The following INTS1 variants were observed in gnomAD, a reference collection of about 807,000 sequenced individuals.
INTS1 encodes integrator complex subunit 1.
INTS1 carries 137 observed loss-of-function variants against 241.6 expected under a neutral mutation model. The observed-to-expected ratio is 0.57, with a 90% CI of 0.49 to 0.65. The LOEUF (loss-of-function observed/expected upper bound fraction) is 0.65. INTS1 is among the 30% of genes least tolerant of loss of function. INTS1 has a pLI of 0.00. For missense variants in INTS1, 3,073 were observed against 3,032.2 expected (o/e 1.01, Z -0.32); for synonymous variants, 1,692 against 1,337.8 (o/e 1.26, Z -5.78).
Position 1,471,644 on chromosome 7 carries a change from G to A in INTS1, c.6185-3C>T. 1 of 1,611,912 alleles carries A rather than the reference G, an allele frequency of 6.2e-7. No homozygotes were observed. Among genetic ancestry groups the A allele is most frequent in the Non-Finnish European group, 8.5e-7 (1 of 1,179,718 alleles). ...GTCACTCAGAACCTCCAGCAGATCT[G>A]ACACAGAGAGAGGGCCAGACCAGAA... is the stretch of plus-strand genomic sequence containing the variant. On this transcript the variant is annotated splice_polypyrimidine_tract_variant and splice_region_variant and intron_variant, in intron 44 of 47. Transcript: ENST00000404767.
Position 1,470,824 on chromosome 7 carries a change from T to C in INTS1, c.6457+22A>G, listed in dbSNP as rs748634098. On this transcript the variant is annotated intron_variant, in intron 47 of 47. Transcript: ENST00000404767. ...GCCTCCCCGAGGGCTGCCAGGGCCC[T>C]GGGCGGGGGGCCAGTCCTCACCTTG... 1.9e-6 allele frequency: 3 copies of C among 1,554,520 alleles called. No individual in the cohort carries two copies. In the East Asian group the frequency reaches 7.2e-5, roughly 37 times the overall value.
At position 1,480,429 on chromosome 7, in the gene INTS1, G is replaced by C. The variant is rs200694035; in HGVS notation, c.3962C>G (p.Ala1321Gly). The change falls in exon 30 of 48, where the codon GCA becomes GGA. Residue 1321 changes from alanine (A) to glycine (G), a missense_variant. Physicochemically the swap from Ala to Gly is moderately conservative, Grantham distance 60. Transcript: ENST00000404767. The stretch of plus-strand genomic sequence containing the variant: ...CTCTGGGCTGCTCTTTGGTTTGGGT[G>C]CCTCTGTGCTGTCTGCAGAGACAGG... ...SLPPRRDSTE[A>G]PKPKSSPEQP... 175 of 1,613,296 alleles carry C rather than the reference G, an allele frequency of 1.1e-4. 1 individual carries two copies. In the Admixed American group the frequency reaches 2.9e-3, roughly 26 times the overall value.
chr7:1,476,486 C>T, intron 37 of INTS1, 31 bp from the exon 38 acceptor site: 1 of 1,134,036 alleles, frequency 8.8e-7, no homozygotes. Flanking sequence ...AGCCCCGGAG[C>T]ACCACCGCCT....
chr7:1,470,520 G>C lies in INTS1; in HGVS notation c.*57C>G. On this transcript the variant is annotated 3_prime_UTR_variant, in exon 48 of 48. Transcript: ENST00000404767. ...GCCCACGCTTCCTGGGCTTTGCCTC[G>C]AGGATCCCCGGGGACGGGACGGGCC... is the stretch of plus-strand genomic sequence containing the variant. 7.4e-7 allele frequency: 1 copy of C among 1,351,910 alleles called. No homozygotes were observed. The highest frequency in any genetic ancestry group is 1.4e-5 in the South Asian group (1 of 73,908). The allele number at this position is 1,351,910 out of a possible 1,614,324, so 83.7% of individuals were successfully genotyped here.
In INTS1 at chr7:1,500,194, G is replaced by A. The variant is rs755896608; in HGVS notation, c.522C>T (p.Ile174=). 6.3e-7 allele frequency: 1 copy of A among 1,597,316 alleles called. No individual in the cohort carries two copies. The highest frequency in any genetic ancestry group is 8.6e-7 in the Non-Finnish European group (1 of 1,169,156). The change falls in exon 4 of 48, where the codon ATC becomes ATT. Residue 174 remains isoleucine, a synonymous_variant. Transcript: ENST00000404767. The stretch of plus-strand genomic sequence containing the variant: ...CCTCAATGACGCCCTCAGTGGCGAA[G>A]ATGTTGGGCTTGATCTTGGCCAGGT... ...LMYLAKIKPN[I]FATEGVIEAL... is the part of the protein sequence containing the mutation.
At chr7:1,474,887 G>A in intron 39 of INTS1, 49 bp from the exon 40 acceptor site, 1 of 1,537,074 alleles carries the variant, frequency 6.5e-7, no homozygotes, top group Non-Finnish European at 8.8e-7. Flanking sequence ...CCCCTCACTT[G>A]CCCACCCACA....
In INTS1 at chr7:1,497,253, C is replaced by T; in HGVS notation, c.1487G>A (p.Arg496Gln). ...TNKDDYLRAS[R>Q]ALLREIIKQT... is the part of the protein sequence containing the mutation. ...CTTGATGATCTCCCGCAGCAGGGCC[C>T]GCGAGGCCCGCAGGTAGTCGTCCTT... The change falls in exon 11 of 48, where the codon CGG becomes CAG. Residue 496 changes from arginine to glutamine, a missense_variant. Arg to Gln is a conservative substitution (Grantham distance 43). Coordinates refer to ENST00000404767, the MANE Select transcript of INTS1 (RefSeq NM_001080453.3). This position sits in a 1 kb window ranked among gnomAD's most constrained non-coding sequence, Gnocchi z 5.3. The T allele has an allele frequency of 6.2e-7, 1 of 1,613,384 alleles. No homozygotes were observed. The highest frequency in any genetic ancestry group is 8.5e-7 in the Non-Finnish European group (1 of 1,179,766).
Position 1,500,644 on chromosome 7 carries a change from T to C in INTS1, c.350-278A>G, listed in dbSNP as rs564598094. On this transcript the variant is annotated intron_variant, in intron 3 of 47. Coordinates refer to ENST00000404767, the MANE Select transcript of INTS1 (RefSeq NM_001080453.3). The stretch of plus-strand genomic sequence containing the variant: ...ACGACTACCCCAAAGGCTACAGACA[T>C]TTCCCAGCAAGCCAGGCCACCTGCA... 7.2e-5 allele frequency among the ~76,000 whole-genome samples: 11 copies of C among 152,288 alleles called. No individual in the cohort carries two copies. In the East Asian group the frequency reaches 1.9e-3, roughly 27 times the overall value.
Position 1,476,812 on chromosome 7 carries a change from C to T in INTS1, c.5045G>A (p.Gly1682Asp), listed in dbSNP as rs751822409. 8 of 1,612,760 alleles carry T rather than the reference C, an allele frequency of 5.0e-6. No homozygotes were observed. Among genetic ancestry groups the T allele is most frequent in the Admixed American group, 3.3e-5 (2 of 59,994 alleles). The change falls in exon 36 of 48, where the codon GGC becomes GAC. Residue 1682 changes from glycine to aspartate, a missense_variant. Physicochemically the swap from Gly to Asp is moderately conservative, Grantham distance 94 (BLOSUM62 -1). Transcript: ENST00000404767. ...CGCCCACCTCTGTTCCCGGCTCTTG[C>T]CCAGCAGGACTCGGATGCACTGGTG... ...TLHQCIRVLLGKSREQRFDPS... is the reference protein window; with the variant it reads ...TLHQCIRVLLDKSREQRFDPS...
intron 39 of INTS1, 117 bp downstream of exon 39, chr7:1,475,831 G>T: frequency 7.6e-7 from 1 of 1,309,002 alleles, no homozygotes. Context: ...GCGCGGACTG[G>T]GAAGGGGCAA....
rs531423959 is a variant in INTS1 at position 1,473,707 on chromosome 7, G to C, written c.5830-14C>G. 6.2e-6 allele frequency: 10 copies of C among 1,612,476 alleles called. No homozygotes were observed. Among genetic ancestry groups the C allele is most frequent in the Admixed American group, 1.7e-5 (1 of 59,970 alleles). On this transcript the variant is annotated splice_polypyrimidine_tract_variant and intron_variant, in intron 41 of 47. Transcript: ENST00000404767. ...CTTCCTGTAATTCTGCAAAGCAAAA[G>C]CGGCACCCTCGAGCTGCTCTGCCCC...
chr7:1,476,326 G>C lies in INTS1; in HGVS notation c.5281C>G (p.Arg1761Gly), dbSNP rs996774777. 23 of 1,586,330 alleles carry C rather than the reference G, an allele frequency of 1.4e-5. No homozygotes were observed. The highest frequency in any genetic ancestry group is 2.0e-5 in the Non-Finnish European group (23 of 1,168,520). Residue 1761 changes from arginine to glycine, a missense_variant, in exon 38 of 48, where the codon CGG becomes GGG. Physicochemically the swap from Arg to Gly is moderately radical, Grantham distance 125. Transcript: ENST00000404767. ...CAGCAGCTGAGCAGCAGGGGCAGCC[G>C]GGCCTGGATGAGGCTGCAGGCGGCT... ...DTAACSLIQA[R>G]LPLLLSCCCG...
chr7:1,480,719 G>A (rs1478579145), intron 29 of INTS1, 116 bp downstream of exon 29: 1 of 845,234 alleles, frequency 1.2e-6, no homozygotes, highest in African/African-American at 1.7e-5. Flanking sequence ...ATCAGCAAGT[G>A]TGCACTGCCC....
chr7:1,497,543 G>A lies in INTS1; in HGVS notation c.1426-229C>T, dbSNP rs985182619. Among the ~76,000 whole-genome samples, 5 of 152,144 alleles carry A rather than the reference G, an allele frequency of 3.3e-5. No homozygotes were observed. The highest frequency in any genetic ancestry group is 6.5e-5 in the Admixed American group (1 of 15,274). Reference sequence around the variant, plus strand: ...ACCGGCAGGTGGGGAGTCGGTCCTCGTGAAATGAGGAGGATTAATTAACGG... The same window carrying A: ...ACCGGCAGGTGGGGAGTCGGTCCTCATGAAATGAGGAGGATTAATTAACGG... On this transcript the variant is annotated intron_variant, in intron 10 of 47. Transcript: ENST00000404767. The surrounding 1 kb of genome is among the most constrained non-coding windows in gnomAD (Gnocchi z 5.3).
intron 33 of INTS1, 33 bp downstream of exon 33, chr7:1,478,333 C>A (rs1335194753): frequency 6.2e-7 from 1 of 1,606,540 alleles, no homozygotes; most frequent in African/African-American, 1.3e-5. Context: ...CCCAGGGCCG[C>A]CGTGGCCCAA....
At chr7:1,471,542 C>A in intron 45 of INTS1, 29 bp downstream of exon 45, 6 of 1,608,846 alleles carry the variant, frequency 3.7e-6, no homozygotes, top group Non-Finnish European at 5.1e-6. Flanking sequence ...TGGCTCCTCC[C>A]AGCTCTCCCT....
In INTS1 at chr7:1,485,197, G is replaced by C; in HGVS notation, c.3162C>G (p.Ile1054Met). Reference protein sequence around the residue: ...STTALALQQAIHMETDPQTIS... With the variant: ...STTALALQQAMHMETDPQTIS... ...TGGTCTGGGGATCAGTCTCCATGTG[G>C]ATTGCCTGGAGGGGAGGGTGGTCTG... Residue 1054 changes from isoleucine (I) to methionine (M), a missense_variant, in exon 24 of 48, where the codon ATC (isoleucine) becomes ATG (methionine). Coordinates refer to ENST00000404767, the MANE Select transcript of INTS1 (RefSeq NM_001080453.3). The C allele has an allele frequency of 6.2e-7, 1 of 1,600,084 alleles. No homozygotes were observed. Among genetic ancestry groups the C allele is most frequent in the Middle Eastern group, 1.7e-4 (1 of 6,058 alleles).
intron 39 of INTS1, 29 bp downstream of exon 39, chr7:1,475,919 G>T: frequency 1.3e-6 from 2 of 1,524,068 alleles, no homozygotes; most frequent in South Asian, 2.4e-5. Flanking sequence ...CTGGGACGGC[G>T]GCGGGGAGCG....
chr7:1,498,799 C>A lies in INTS1; in HGVS notation c.1191G>T (p.Thr397=), dbSNP rs373109167. The change falls in exon 9 of 48, where the codon ACG becomes ACT. Residue 397 remains threonine, a synonymous_variant. Transcript: ENST00000404767. ...LLMSVCMNCN[T]HGSEDMDVIS... ...TGACGTCCATGTCTTCGGAACCGTGCGTGTTGCAGTTCATGCAGACGGACA... is the reference window on the plus strand; with the variant it reads ...TGACGTCCATGTCTTCGGAACCGTGAGTGTTGCAGTTCATGCAGACGGACA... 2.5e-6 allele frequency: 4 copies of A among 1,603,276 alleles called. No homozygotes were observed. Among genetic ancestry groups the A allele is most frequent in the Non-Finnish European group, 3.4e-6 (4 of 1,175,346 alleles).
Sources: allele counts gnomAD v4.1 joint callset (sites outside exome capture counted in the v4.1 genomes callset), GRCh38; gene constraint gnomAD v4.1.1; non-coding constraint Gnocchi (gnomAD v3.1); transcripts MANE v1.5; gene names NCBI Gene and HGNC (gene_info 2026-07-23, HGNC 2026-07-21).